Variants in FLNA observed in about 807,000 individuals in gnomAD.
FLNA encodes the protein filamin A, also known as filamin-A.
FLNA carries 7 observed loss-of-function variants against 157.6 expected under a neutral mutation model. That is an observed-to-expected ratio of 0.04 (90% CI 0.03 to 0.08). FLNA has a LOEUF of 0.08. FLNA is among the 10% of genes least tolerant of loss of function. The pLI, the probability that FLNA is intolerant of heterozygous loss-of-function variation, is 1.00. For missense variants in FLNA, 1,750 were observed against 2,398.4 expected (o/e 0.73, Z 5.65); for synonymous variants, 1,103 against 1,060.8 (o/e 1.04, Z -0.77).
rs2148107520 is a variant in FLNA at position 154,354,969 on chromosome X, A to G, written c.5073T>C (p.Pro1691=). ...CGTCCACATCCACCTCTGAGCCATC[A>G]GGCGTGCACACGGTGCACGTCACTT... ...KGKVTCTVCT[P]DGSEVDVDVV... The change falls in exon 31 of 48, where the codon CCT becomes CCC. Residue 1691 remains proline (P), a synonymous_variant. Transcript: ENST00000369850. The G allele has an allele frequency of 5.8e-6, 7 of 1,212,171 alleles. No individual in the cohort carries two copies. The highest frequency in any genetic ancestry group is 6.7e-6 in the Non-Finnish European group (6 of 895,579).
chrX:154,358,734 T>C, intron 26 of FLNA, 166 bp from the exon 27 acceptor site: 1 of 678,882 alleles, frequency 1.5e-6, no homozygotes, highest in East Asian at 3.4e-5. Flanking sequence ...AAGACACCCA[T>C]CTGGGTGCCA....
At chrX:154,361,220 A>C in intron 21 of FLNA, 88 bp downstream of exon 21, 1 of 708,876 alleles carries the variant, frequency 1.4e-6, no homozygotes, top group Non-Finnish European at 2.1e-6. Context: ...AAAAGGATTT[A>C]GGGCAGGTCT....
In FLNA at chrX:154,353,042, G is replaced by A. The variant is rs1319797962; in HGVS notation, c.6185C>T (p.Thr2062Ile). The change falls in exon 38 of 48, where the codon ACC becomes ATC. Residue 2062 changes from threonine (T) to isoleucine (I), a missense_variant. This residue lies in a region of FLNA where 970 missense variants were observed against 1,302.6 expected (regional missense o/e 0.74). Transcript: ENST00000369850. ...AATGATAAACTCTGCAGGCTCAAAGGTGTGGCCTTCGTGAAGGCCCTGACC... is the reference window on the plus strand; with the variant it reads ...AATGATAAACTCTGCAGGCTCAAAGATGTGGCCTTCGTGAAGGCCCTGACC... The part of the protein sequence containing the change: ...VSGQGLHEGH[T>I]FEPAEFIIDT... 5.8e-6 allele frequency: 7 copies of A among 1,211,707 alleles called. No individual in the cohort carries two copies. Among genetic ancestry groups the A allele is most frequent in the Non-Finnish European group, 7.8e-6 (7 of 895,504 alleles).
At chrX:154,373,921 G>A (rs1015533484) in intron 1 of FLNA, among the ~76,000 whole-genome samples, 1 of 112,982 alleles carries the variant, frequency 8.9e-6, no homozygotes, top group African/African-American at 3.2e-5. Context: ...CTGGCAGTGC[G>A]CATCCAACTC....
chrX:154,362,797 G>GGGGCAA lies in FLNA; in HGVS notation c.2281-19_2281-14dup, dbSNP rs1557178391. On this transcript the variant is annotated splice_polypyrimidine_tract_variant and intron_variant, in intron 15 of 47. Coordinates refer to ENST00000369850, the MANE Select transcript of FLNA (RefSeq NM_001110556.2). ...CTCCCACATTCACCTGCAGGGCACA[G>GGGGCAA]GGGCAAGGGCAAGGGCATGAGCAGC... 6.7e-6 allele frequency: 8 copies of GGGGCAA among 1,193,765 alleles called. No individual in the cohort carries two copies. Among genetic ancestry groups the GGGGCAA allele is most frequent in the Admixed American group, 2.3e-5 (1 of 43,837 alleles).
chrX:154,354,530 G>C (rs2067647346), intron 32 of FLNA, 47 bp from the exon 33 acceptor site: 1 of 1,170,836 alleles, frequency 8.5e-7, no homozygotes. Flanking sequence ...GGGAGGATCT[G>C]GGGTCCCTCC....
At chrX:154,354,082 G>A (rs782454800) in intron 34 of FLNA, 39 bp from the exon 35 acceptor site, 14 of 1,211,922 alleles carry the variant, frequency 1.2e-5, no homozygotes, top group African/African-American at 3.4e-5. Context: ...TGGCAGCCTC[G>A]TGTGTCCCCC....
In FLNA at chrX:154,361,456, A is replaced by G. The variant is rs1557178024; in HGVS notation, c.3059T>C (p.Val1020Ala). 8.3e-7 allele frequency: 1 copy of G among 1,210,496 alleles called. No homozygotes were observed. The highest frequency in any genetic ancestry group is 1.1e-6 in the Non-Finnish European group (1 of 895,240). ...GPSGAAVPCK[V>A]EPGLGADNSV... The stretch of plus-strand genomic sequence containing the variant: ...GTTGTCAGCCCCCAGGCCTGGCTCC[A>G]CCTTGCAGGGCACCGCTGCACCCGA... Residue 1020 changes from valine (V) to alanine (A), a missense_variant, in exon 21 of 48, where the codon GTG (valine) becomes GCG (alanine). This residue lies in a region of FLNA where 648 missense variants were observed against 805.8 expected (regional missense o/e 0.80). Coordinates refer to ENST00000369850, the MANE Select transcript of FLNA (RefSeq NM_001110556.2).
At position 154,358,194 on chromosome X, in the gene FLNA, C is replaced by T. The variant is rs199803218; in HGVS notation, c.4755+5G>A. ...CTGCCTCCCCTGCCTGTGCCCGGAGCTCACCGTGATCTGGACAGCCAGCAG... is the reference window on the plus strand; with the variant it reads ...CTGCCTCCCCTGCCTGTGCCCGGAGTTCACCGTGATCTGGACAGCCAGCAG... On this transcript the variant is annotated splice_donor_5th_base_variant and intron_variant, in intron 28 of 47. Transcript: ENST00000369850. 64 of 1,208,782 alleles carry T rather than the reference C, an allele frequency of 5.3e-5. 4 individuals are homozygous for T. In the East Asian group the frequency reaches 1.9e-3, roughly 36 times the overall value.
Position 154,357,482 on chromosome X carries a change from G to C in FLNA, c.4897C>G (p.Arg1633Gly). 8.3e-7 allele frequency: 1 copy of C among 1,211,425 alleles called. No individual in the cohort carries two copies. The highest frequency in any genetic ancestry group is 3.0e-5 in the East Asian group (1 of 33,839). ...GGDEIPFSPY[R>G]VRAVPTGDAS... ...TCCCCGGTGGGCACGGCACGCACGC[G>C]GTACGGGGAGAAGGGGATCTCGTCA... is the stretch of plus-strand genomic sequence containing the variant. Residue 1633 changes from arginine (R) to glycine (G), a missense_variant, in exon 29 of 48, where the codon CGC (arginine) becomes GGC (glycine). This residue lies in a region of FLNA where 970 missense variants were observed against 1,302.6 expected (regional missense o/e 0.74). Coordinates refer to ENST00000369850, the MANE Select transcript of FLNA (RefSeq NM_001110556.2).
intron 43 of FLNA, chrX:154,351,255 G>A: frequency 2.2e-6 from 1 of 462,553 alleles, no homozygotes; most frequent in Non-Finnish European, 3.8e-6. Context: ...ACACACCCAG[G>A]TGGCAGGAAG....
chrX:154,367,628 C>CG lies in FLNA; in HGVS notation c.720+12dup. ...CGGTCCCCTACAGCTGTAGCCAGGC[C>CG]GGGCGGGTGTACCTGGGGGATGCCC... On this transcript the variant is annotated intron_variant, in intron 4 of 47. Coordinates refer to ENST00000369850, the MANE Select transcript of FLNA (RefSeq NM_001110556.2). The CG allele has an allele frequency of 8.3e-7, 1 of 1,210,751 alleles. No homozygotes were observed. Among genetic ancestry groups the CG allele is most frequent in the Middle Eastern group, 2.3e-4 (1 of 4,351 alleles).
At chrX:154,374,096 C>T (rs1445980157) in intron 1 of FLNA, among the ~76,000 whole-genome samples, 4 of 112,599 alleles carry the variant, frequency 3.6e-5, no homozygotes. Flanking sequence ...CTGTCCCCCT[C>T]CCAGTGGGCA....
In FLNA at chrX:154,361,336, T is replaced by A; in HGVS notation, c.3179A>T (p.Glu1060Val). Residue 1060 changes from glutamate to valine, a missense_variant, in exon 21 of 48, where the codon GAA (glutamate) becomes GTA (valine). Transcript: ENST00000369850. ...GCTAGGCTTGGTGGGGGCCACAGCT[T>A]CCAGAGGAAAGGGGCTGCCAGGCAC... ...VPVPGSPFPL[E>V]AVAPTKPSKV... is the part of the protein sequence containing the mutation. 1 of 1,210,581 alleles carries A rather than the reference T, an allele frequency of 8.3e-7. No homozygotes were observed.
rs372482110 is a variant in FLNA, at chrX:154,359,961, G to A, written c.3805+29C>T. The A allele has an allele frequency of 3.2e-5, 38 of 1,203,160 alleles. No homozygotes were observed. In the South Asian group the frequency reaches 3.7e-4, roughly 12 times the overall value. ...TCGGGGGTTCTGGTCCCTGTCCCCC[G>A]TCACATACCCCACGGCAGGGCAACT... On this transcript the variant is annotated intron_variant, in intron 22 of 47. Coordinates refer to ENST00000369850, the MANE Select transcript of FLNA (RefSeq NM_001110556.2).
rs1483634779 is a variant in FLNA, at chrX:154,353,976, G to C, written c.5625C>G (p.Leu1875=). 4.1e-6 allele frequency: 5 copies of C among 1,210,502 alleles called. No individual in the cohort carries two copies. The highest frequency in any genetic ancestry group is 4.5e-6 in the Non-Finnish European group (4 of 894,885). ...CGHVTAYGPG[L]THGVVNKPAT... The stretch of plus-strand genomic sequence containing the variant: ...CAGGCTTGTTCACTACTCCATGGGT[G>C]AGGCCAGGCCCATAGGCAGTGACAT... Residue 1875 remains leucine (L), a synonymous_variant, in exon 35 of 48, where the codon CTC becomes CTG. Transcript: ENST00000369850.
At chrX:154,366,904 C>A in intron 5 of FLNA, 54 bp from the exon 6 acceptor site, 1 of 960,592 alleles carries the variant, frequency 1.0e-6, no homozygotes, top group Non-Finnish European at 1.5e-6. Context: ...CACAGCCTCA[C>A]CCCTCCACCC....
At position 154,354,056 on chromosome X, in the gene FLNA, G is replaced by A. The variant is rs1351098012; in HGVS notation, c.5558-13C>T. 2.5e-6 allele frequency: 3 copies of A among 1,210,850 alleles called. No individual in the cohort carries two copies. In the East Asian group the frequency reaches 8.9e-5, roughly 36 times the overall value. On this transcript the variant is annotated splice_polypyrimidine_tract_variant and intron_variant, in intron 34 of 47. Transcript: ENST00000369850. ...TGCAAGGGGCTTCCTGAGGCAGGAA[G>A]AAGGGCCTTGTGGAATGGCAGCCTC...
chrX:154,349,889 C>A, intron 45 of FLNA, 22 bp from the exon 46 acceptor site: 2 of 1,200,413 alleles, frequency 1.7e-6, no homozygotes, highest in Non-Finnish European at 2.3e-6. Flanking sequence ...GGAGGTCAGG[C>A]AGAGCCAGAC....
Sources: gnomAD v4.1 joint callset for allele counts (sites outside exome capture counted in the v4.1 genomes callset) on GRCh38, gnomAD v4.1.1 for gene constraint, gnomAD v4.1.1 regional missense constraint, MANE v1.5 for transcripts, NCBI Gene and HGNC (gene_info 2026-07-23, HGNC 2026-07-21) for gene names.